PDE3A: variants seen among roughly 807,000 people sequenced by gnomAD.
PDE3A encodes the protein phosphodiesterase 3A, also known as cGMP-inhibited 3',5'-cyclic phosphodiesterase 3A.
A neutral mutation model predicts 98.3 loss-of-function variants in PDE3A; 43 were observed. That is an observed-to-expected ratio of 0.44 (90% confidence interval 0.34 to 0.56). PDE3A has a LOEUF of 0.56. Ranked by LOEUF, PDE3A falls within the 20% of genes least tolerant of loss-of-function variation. The probability of loss-of-function intolerance (pLI) is 0.01; values close to 1 mark genes in which losing one functional copy is unlikely to be tolerated. For synonymous variants in PDE3A, 663 were observed against 567.9 expected (o/e 1.17, Z -2.38); for missense variants, 1,427 against 1,440.7 (o/e 0.99, Z 0.15).
At chr12:20,668,570 C>T in intron 15 of PDE3A, among the ~76,000 whole-genome samples, 1 of 152,198 alleles carries the variant, frequency 6.6e-6, no homozygotes. Flanking sequence ...AACTGGGAGG[C>T]ACCCCCCAGT....
intron 1 of PDE3A, among the ~76,000 whole-genome samples, chr12:20,546,075 T>C (rs1942048798): frequency 6.6e-6 from 1 of 151,878 alleles, no homozygotes; most frequent in African/African-American, 2.4e-5. Context: ...GCTGATGTGG[T>C]CTTCTAGTTT....
At chr12:20,477,435 T>C (rs1421143768) in intron 1 of PDE3A, among the ~76,000 whole-genome samples, 1 of 152,200 alleles carries the variant, frequency 6.6e-6, no homozygotes, top group African/African-American at 2.4e-5. Flanking sequence ...AGCTTTCCAG[T>C]TGCTGATCGG....
intron 3 of PDE3A, among the ~76,000 whole-genome samples, chr12:20,614,159 A>AAT (rs1565449710): frequency 2.6e-4 from 39 of 152,034 alleles, no homozygotes; most frequent in East Asian, 3.9e-4. Flanking sequence ...TTTCCAATAC[A>AAT]CAGTTTTGAA....
intron 1 of PDE3A, among the ~76,000 whole-genome samples, chr12:20,514,595 C>T (rs918459795): frequency 5.9e-5 from 9 of 152,164 alleles, no homozygotes; most frequent in Non-Finnish European, 4.4e-5. Flanking sequence ...GTCATTTAAA[C>T]TTTCTGATTC....
intron 2 of PDE3A, among the ~76,000 whole-genome samples, chr12:20,579,963 A>T (rs1166562946): frequency 6.6e-6 from 1 of 152,236 alleles, no homozygotes; most frequent in Non-Finnish European, 1.5e-5. Flanking sequence ...TGATTAATTC[A>T]CAAAGAAAAT....
At chr12:20,667,744 TACTCA>T (rs1293698228) in intron 15 of PDE3A, among the ~76,000 whole-genome samples, 1 of 152,222 alleles carries the variant, frequency 6.6e-6, no homozygotes, top group Non-Finnish European at 1.5e-5. Context: ...TTGCTTTGGC[TACTCA>T]AGCTCTTTTT....
At chr12:20,500,579 T>C (rs1232895614) in intron 1 of PDE3A, among the ~76,000 whole-genome samples, 1 of 151,950 alleles carries the variant, frequency 6.6e-6, no homozygotes, top group East Asian at 1.9e-4. Context: ...TTCTTCAGGA[T>C]TTTTTTTCTA....
intron 1 of PDE3A, among the ~76,000 whole-genome samples, chr12:20,433,779 T>G (rs1332453277): frequency 6.6e-6 from 1 of 152,188 alleles, no homozygotes; most frequent in African/African-American, 2.4e-5. Flanking sequence ...CTGTCACAAT[T>G]TTGCCTTCAG....
intron 15 of PDE3A, among the ~76,000 whole-genome samples, chr12:20,661,431 C>T (rs1945167880): frequency 6.6e-6 from 1 of 152,192 alleles, no homozygotes; most frequent in Admixed American, 6.5e-5. Context: ...CTGTTAATCC[C>T]CAAGACAATG....
chr12:20,505,379 C>G (rs935225763), intron 1 of PDE3A, among the ~76,000 whole-genome samples: 3 of 152,042 alleles, frequency 2.0e-5, no homozygotes, highest in Non-Finnish European at 4.4e-5. Context: ...CAAATGATCA[C>G]TCAATCTAAT....
intron 1 of PDE3A, among the ~76,000 whole-genome samples, chr12:20,416,928 G>A (rs1944430140): frequency 6.6e-6 from 1 of 152,096 alleles, no homozygotes; most frequent in Non-Finnish European, 1.5e-5. Flanking sequence ...AGTACATAAG[G>A]TGAGATGTAG....
At chr12:20,548,252 C>T (rs1942105733) in intron 1 of PDE3A, among the ~76,000 whole-genome samples, 1 of 151,962 alleles carries the variant, frequency 6.6e-6, no homozygotes, top group Admixed American at 6.6e-5. Flanking sequence ...GAAACATTCT[C>T]TTTTAAAAAA....
intron 2 of PDE3A, among the ~76,000 whole-genome samples, chr12:20,604,217 GGAGGA>G (rs1368016218): frequency 1.3e-5 from 2 of 150,806 alleles, no homozygotes; most frequent in African/African-American, 4.9e-5. Context: ...AGAGGGGAGG[GGAGGA>G]GAGGGGAGGG....
intron 5 of PDE3A, among the ~76,000 whole-genome samples, chr12:20,623,162 G>A (rs1026206960): frequency 6.6e-6 from 1 of 152,050 alleles, no homozygotes; most frequent in East Asian, 1.9e-4. Flanking sequence ...AGAAAGATCG[G>A]AAGAAATTAT....
intron 1 of PDE3A, among the ~76,000 whole-genome samples, chr12:20,472,594 A>G (rs1591967442): frequency 1.3e-5 from 2 of 152,326 alleles, no homozygotes; most frequent in South Asian, 4.1e-4. Flanking sequence ...TGACCACATT[A>G]TCACAGCTGC....
chr12:20,581,113 C>T (rs1441639907), intron 2 of PDE3A, among the ~76,000 whole-genome samples: 1 of 152,112 alleles, frequency 6.6e-6, no homozygotes, highest in African/African-American at 2.4e-5. Context: ...ACAGTTCTTT[C>T]TAAATTTTCT....
At chr12:20,637,049 C>G (rs781025069) in intron 8 of PDE3A, 51 bp from the exon 9 acceptor site, 1 of 1,329,624 alleles carries the variant, frequency 7.5e-7, no homozygotes, top group African/African-American at 1.5e-5. Context: ...CACAAATTGC[C>G]CTGTAGAAAA....
At chr12:20,615,341 C>A (rs925500851) in intron 3 of PDE3A, among the ~76,000 whole-genome samples, 1 of 152,120 alleles carries the variant, frequency 6.6e-6, no homozygotes, top group Non-Finnish European at 1.5e-5. Context: ...AGGGGAACAG[C>A]AGGTTGGCCA....
At chr12:20,385,382 G>T (rs990636319) in intron 1 of PDE3A, among the ~76,000 whole-genome samples, 1 of 151,942 alleles carries the variant, frequency 6.6e-6, no homozygotes, top group Non-Finnish European at 1.5e-5. Context: ...ACAGTGTGGC[G>T]ATTCCTCAGG....
Sources: allele counts gnomAD v4.1 joint callset (sites outside exome capture counted in the v4.1 genomes callset), GRCh38; gene constraint gnomAD v4.1.1; transcripts MANE v1.5; gene names NCBI Gene and HGNC (gene_info 2026-07-23, HGNC 2026-07-21).